Variants in CHD6 observed in about 807,000 individuals in gnomAD.
The protein encoded by CHD6 is chromodomain helicase DNA binding protein 6.
In CHD6, 50 loss-of-function variants were observed where a neutral mutation model predicts 276.9. The observed-to-expected ratio is 0.18, with a 90% CI of 0.14 to 0.23. CHD6 has a LOEUF of 0.23. CHD6 is among the 10% of genes least tolerant of loss of function. The pLI is 1.00. For synonymous variants in CHD6, 1,173 were observed against 1,229.3 expected, an observed-to-expected ratio of 0.95 and a Z score of 0.96; for missense variants, 2,564 against 3,365.8, an observed-to-expected ratio of 0.76 and a Z score of 5.89.
intron 18 of CHD6, 101 bp downstream of exon 18, chr20:41,457,163 T>C: frequency 7.3e-7 from 1 of 1,362,196 alleles, no homozygotes. Flanking sequence ...GCTGGCTCAA[T>C]GCAGCGAAAG....
Position 41,426,091 on chromosome 20 carries a change from ACCTGCC to A in CHD6, c.4125_4129+1del. On this transcript the variant is annotated splice_donor_variant and coding_sequence_variant, in exon 28 of 37. Coordinates refer to ENST00000373233, the MANE Select transcript of CHD6 (RefSeq NM_032221.5). LOFTEE classifies it high-confidence loss of function. The stretch of plus-strand genomic sequence containing the variant: ...TATGCCTTCAGAAGGACATAGTCTC[ACCTGCC>A]CGGCTGTCATCCTTCTTTTCGCTAA... 2 of 1,603,944 alleles carry A rather than the reference ACCTGCC, an allele frequency of 1.2e-6. No individual in the cohort carries two copies. Among genetic ancestry groups the A allele is most frequent in the Non-Finnish European group, 1.7e-6 (2 of 1,170,680 alleles).
rs1329911368 is a variant in CHD6, at chr20:41,531,113, T to C, written c.554+1937A>G. ...AATGGAATTTATGACAATGTTTGCA[T>C]ACTCATCACTTTGTTTCAGACCTCA... On this transcript the variant is annotated intron_variant, in intron 3 of 36. Coordinates refer to ENST00000373233, the MANE Select transcript of CHD6 (RefSeq NM_032221.5). 2.0e-5 allele frequency among the ~76,000 whole-genome samples: 3 copies of C among 152,354 alleles called. No individual in the cohort carries two copies. The East Asian group carries it at 5.8e-4, about 29-fold the overall frequency.
chr20:41,465,102 C>T (rs572904234), intron 17 of CHD6, among the ~76,000 whole-genome samples: 2 of 152,250 alleles, frequency 1.3e-5, no homozygotes, highest in African/African-American at 2.4e-5. Context: ...ATTAGCTAAA[C>T]ACCATGGTAA....
At chr20:41,415,096 ATCCACAAATTATTT>A (rs753613074) in intron 34 of CHD6, 76 bp downstream of exon 34, 68 of 1,498,738 alleles carry the variant, frequency 4.5e-5, no homozygotes, top group Non-Finnish European at 5.9e-5. Context: ...GAGATAAAAG[ATCCACAAATTATTT>A]TGCGTCTGAG....
At chr20:41,441,450 C>T (rs930092545) in intron 25 of CHD6, among the ~76,000 whole-genome samples, 1 of 152,200 alleles carries the variant, frequency 6.6e-6, no homozygotes, top group African/African-American at 2.4e-5. Flanking sequence ...TCAGTTTCTC[C>T]ACCTGCTTCT....
intron 5 of CHD6, among the ~76,000 whole-genome samples, chr20:41,507,965 C>A (rs913223659): frequency 2.6e-5 from 4 of 152,078 alleles, no homozygotes; most frequent in Non-Finnish European, 5.9e-5. Flanking sequence ...AAGCTTGATG[C>A]CCAGTTTCAA....
At chr20:41,606,283 G>A (rs1406747616) in intron 1 of CHD6, among the ~76,000 whole-genome samples, 2 of 151,690 alleles carry the variant, frequency 1.3e-5, no homozygotes, top group African/African-American at 2.4e-5. Flanking sequence ...AGGCCAAGGC[G>A]GGCAGATCAC....
chr20:41,489,600 T>C (rs1449099445), intron 12 of CHD6, among the ~76,000 whole-genome samples, 178 bp downstream of exon 12: 1 of 152,212 alleles, frequency 6.6e-6, no homozygotes, highest in Admixed American at 6.5e-5. Context: ...AATCCTGTGT[T>C]GTATCATAAA....
chr20:41,495,448 G>C (rs1251455726), intron 8 of CHD6, among the ~76,000 whole-genome samples: 1 of 152,120 alleles, frequency 6.6e-6, no homozygotes, highest in Admixed American at 6.5e-5. Flanking sequence ...GGTTGCCAGG[G>C]ATGAAGGGGA....
At chr20:41,582,290 G>C (rs1014395230) in intron 1 of CHD6, among the ~76,000 whole-genome samples, 1 of 152,206 alleles carries the variant, frequency 6.6e-6, no homozygotes, top group South Asian at 2.1e-4. Flanking sequence ...AACTAAGGAA[G>C]AGTTTCGGAC....
chr20:41,504,077 C>CAAA lies in CHD6; in HGVS notation c.853-4723_853-4721dup, dbSNP rs1189323419. On this transcript the variant is annotated intron_variant, in intron 5 of 36. Coordinates refer to ENST00000373233, the MANE Select transcript of CHD6 (RefSeq NM_032221.5). ...TGGGTGATAGAGTGAGACTCTGTCTCAAAAAAAAAAAAAAAAAAAAAAAAA... is the reference window on the plus strand; with the variant it reads ...TGGGTGATAGAGTGAGACTCTGTCTCAAAAAAAAAAAAAAAAAAAAAAAAAAAA... 6.9e-3 allele frequency among the ~76,000 whole-genome samples: 186 copies of CAAA among 27,060 alleles called. 12 individuals are homozygous for CAAA. Among genetic ancestry groups the CAAA allele is most frequent in the Admixed American group, 0.016 (33 of 2,048 alleles). The allele number at this position is 27,060 out of a possible 152,430, so 17.8% of individuals were successfully genotyped here. A position where few individuals can be genotyped will look rare whatever the true frequency, so the allele number is the denominator to read the frequency against.
chr20:41,600,334 C>A (rs75455187), intron 1 of CHD6, among the ~76,000 whole-genome samples: 1 of 152,064 alleles, frequency 6.6e-6, no homozygotes, highest in Non-Finnish European at 1.5e-5. Context: ...AAGCCAGATA[C>A]GAAACAGGAC....
At chr20:41,475,883 A>G (rs546593891) in intron 16 of CHD6, among the ~76,000 whole-genome samples, 8 of 152,334 alleles carry the variant, frequency 5.3e-5, no homozygotes, top group South Asian at 2.1e-4. Flanking sequence ...ATAAAATTAG[A>G]TAAGTGTTTT....
At chr20:41,469,264 A>T (rs1171102796) in intron 17 of CHD6, among the ~76,000 whole-genome samples, 1 of 152,022 alleles carries the variant, frequency 6.6e-6, no homozygotes, top group Non-Finnish European at 1.5e-5. Flanking sequence ...GCCTTCAGGG[A>T]CCTTAGCAGC....
intron 27 of CHD6, among the ~76,000 whole-genome samples, chr20:41,430,854 ATTTTTTTT>A (rs61590579): frequency 5.5e-5 from 7 of 127,604 alleles, no homozygotes; most frequent in African/African-American, 9.0e-5. Context: ...CAGAACATGA[ATTTTTTTT>A]TTTTTTTTTT....
At chr20:41,431,776 C>CTGTTTTTTTTTTTTTTTT (rs2047544451) in intron 27 of CHD6, among the ~76,000 whole-genome samples, 1 of 104,762 alleles carries the variant, frequency 9.5e-6, no homozygotes, top group African/African-American at 3.7e-5. Flanking sequence ...AAAAAACATG[C>CTGTTTTTTTTTTTTTTTT]TTTTTTTTTT....
rs1388731648 is a variant in CHD6 at position 41,497,366 on chromosome 20, C to G, written c.1092+18G>C. 2.4e-5 allele frequency: 35 copies of G among 1,450,074 alleles called. No homozygotes were observed. Among genetic ancestry groups the G allele is most frequent in the Non-Finnish European group, 3.4e-5 (35 of 1,030,378 alleles). 89.8% of individuals were successfully genotyped at this position (1,450,074 alleles called of 1,614,324 possible). On this transcript the variant is annotated intron_variant, in intron 8 of 36. Transcript: ENST00000373233. ...CAAGAAAAGCAGCAGTCAAATGAGT[C>G]AGTAAATATTGCTTCACCTCCGTAA...
intron 27 of CHD6, among the ~76,000 whole-genome samples, chr20:41,435,603 CAAAAAA>C (rs34895530): frequency 5.4e-5 from 6 of 110,180 alleles, no homozygotes; most frequent in African/African-American, 6.4e-5. Context: ...GACCCTGAGT[CAAAAAA>C]AAAAAAAAAA....
chr20:41,448,103 G>A (rs1362477831), intron 23 of CHD6, 132 bp from the exon 24 acceptor site: 2 of 483,016 alleles, frequency 4.1e-6, no homozygotes, highest in South Asian at 8.9e-5. Context: ...AGAAGAGAAG[G>A]CACTAGAAAA....
Sources: gnomAD v4.1 joint callset for allele counts (sites outside exome capture counted in the v4.1 genomes callset) on GRCh38, gnomAD v4.1.1 for gene constraint, MANE v1.5 for transcripts, NCBI Gene and HGNC (gene_info 2026-07-23, HGNC 2026-07-21) for gene names.